CUX2: variants seen among roughly 807,000 people sequenced by gnomAD.
CUX2 encodes homeobox protein cut-like 2.
Under a neutral mutation model 144.8 loss-of-function variants are expected in CUX2, and 40 were observed. The ratio of observed to expected loss-of-function variants is 0.28; its 90% CI spans 0.21 to 0.36. The LOEUF is 0.36. Ranked by LOEUF, CUX2 falls within the 10% of genes least tolerant of loss-of-function variation. The pLI is 1.00. For missense variants in CUX2, 1,615 were observed against 1,994.0 expected (o/e 0.81, Z 3.62); for synonymous variants, 827 against 875.6 (o/e 0.94, Z 0.98).
At chr12:111,183,159 A>G (rs987696610) in intron 1 of CUX2, among the ~76,000 whole-genome samples, 3 of 152,252 alleles carry the variant, frequency 2.0e-5, no homozygotes, top group African/African-American at 7.2e-5. Context: ...GCTTCACCCC[A>G]GTTGAGAACT....
At chr12:111,099,156 G>C (rs1241232518) in intron 1 of CUX2, among the ~76,000 whole-genome samples, 2 of 152,250 alleles carry the variant, frequency 1.3e-5, no homozygotes. Flanking sequence ...GTGGAAGGAA[G>C]TGACTTGGAA....
Position 111,322,674 on chromosome 12 carries a change from T to A in CUX2, c.2926+94T>A. On this transcript the variant is annotated intron_variant, in intron 18 of 21. Transcript: ENST00000261726. The surrounding 1 kb of genome is among the most constrained non-coding windows in gnomAD (Gnocchi z 4.2). Reference sequence around the variant, plus strand: ...TGGCTTTACTGCCCGAGTCTACCTATCTCTCCCTCCCTGCTGCCCTGGCTT... The same window carrying A: ...TGGCTTTACTGCCCGAGTCTACCTAACTCTCCCTCCCTGCTGCCCTGGCTT... The A allele has an allele frequency of 6.8e-7, 1 of 1,460,900 alleles. No individual in the cohort carries two copies. The highest frequency in any genetic ancestry group is 1.2e-5 in the South Asian group (1 of 82,326). The allele number at this position is 1,460,900 out of a possible 1,614,324, so 90.5% of individuals were successfully genotyped here. A position where few individuals can be genotyped will look rare whatever the true frequency, so the allele number is the denominator to read the frequency against.
At chr12:111,192,186 G>A (rs1879928902) in intron 1 of CUX2, among the ~76,000 whole-genome samples, 3 of 152,120 alleles carry the variant, frequency 2.0e-5, no homozygotes, top group African/African-American at 2.4e-5. Context: ...GAGTGCAGTG[G>A]TGTGATCTCG....
chr12:111,067,298 A>C (rs1029819071), intron 1 of CUX2, among the ~76,000 whole-genome samples: 1 of 152,208 alleles, frequency 6.6e-6, no homozygotes, highest in African/African-American at 2.4e-5. Flanking sequence ...GGTACTTTTC[A>C]GCTGGAGCAG....
intron 4 of CUX2, among the ~76,000 whole-genome samples, chr12:111,282,290 C>T (rs1885151317): frequency 6.7e-6 from 1 of 148,898 alleles, no homozygotes; most frequent in Admixed American, 6.8e-5. Flanking sequence ...CCACTGCACT[C>T]CAGCCTGGGC....
chr12:111,034,230 G>A lies in CUX2; in HGVS notation c.53G>A (p.Arg18Gln). The change falls in exon 1 of 22, where the codon CGG becomes CAG. Residue 18 changes from arginine (R) to glutamine (Q), a missense_variant. Physicochemically the swap from Arg to Gln is conservative, Grantham distance 43 (BLOSUM62 1). This residue lies in a region of CUX2 where 64 missense variants were observed against 64.9 expected (regional missense o/e 0.99). Transcript: ENST00000261726. This position sits in a 1 kb window ranked among gnomAD's most constrained non-coding sequence, Gnocchi z 4.2. ...MFQYWKRFDL[R>Q]RLQKELNSVA... ...CAATATTGGAAGCGATTTGATCTAC[G>A]GCGACTCCAGGTTAGTGCGGGCAGC... The A allele has an allele frequency of 2.1e-6, 3 of 1,395,554 alleles. No individual in the cohort carries two copies. Among genetic ancestry groups the A allele is most frequent in the Non-Finnish European group, 2.9e-6 (3 of 1,045,388 alleles). 86.4% of individuals were successfully genotyped at this position (1,395,554 alleles called of 1,614,324 possible).
At chr12:111,336,684 G>A (rs1888368783) in intron 19 of CUX2, among the ~76,000 whole-genome samples, 1 of 151,832 alleles carries the variant, frequency 6.6e-6, no homozygotes, top group Non-Finnish European at 1.5e-5. Context: ...TTGACCTCAA[G>A]TGATCCTCCC....
At chr12:111,088,031 G>A (rs2136050704) in intron 1 of CUX2, among the ~76,000 whole-genome samples, 1 of 152,238 alleles carries the variant, frequency 6.6e-6, no homozygotes, top group East Asian at 1.9e-4. Context: ...CGTGCTGAGG[G>A]AAAAAAGACT....
At chr12:111,116,855 C>T (rs1874335397) in intron 1 of CUX2, among the ~76,000 whole-genome samples, 1 of 152,200 alleles carries the variant, frequency 6.6e-6, no homozygotes, top group Admixed American at 6.5e-5. Flanking sequence ...TTCTATGGTG[C>T]ACTATCTCAT....
At chr12:111,102,011 C>T in intron 1 of CUX2, among the ~76,000 whole-genome samples, 1 of 152,232 alleles carries the variant, frequency 6.6e-6, no homozygotes, top group Admixed American at 6.5e-5. Context: ...AACGCCTGAA[C>T]TCAGATTAAA....
At chr12:111,329,018 C>T (rs1234374867) in intron 18 of CUX2, among the ~76,000 whole-genome samples, 2 of 119,396 alleles carry the variant, frequency 1.7e-5, no homozygotes, top group African/African-American at 3.4e-5. Context: ...CCCCCCACCC[C>T]ACTCTCTCTC....
intron 10 of CUX2, among the ~76,000 whole-genome samples, chr12:111,306,493 G>A (rs547694115): frequency 7.4e-4 from 113 of 152,186 alleles, no homozygotes; most frequent in African/African-American, 2.5e-3. Context: ...CAAATTAGGC[G>A]GAGGAAAGAG....
At chr12:111,268,232 GT>G (rs1261850587) in intron 4 of CUX2, among the ~76,000 whole-genome samples, 5 of 142,480 alleles carry the variant, frequency 3.5e-5, no homozygotes, top group African/African-American at 1.2e-4. Context: ...TTTGTTTTTT[GT>G]TTTTTTTAAG....
chr12:111,113,000 G>A (rs546070266), intron 1 of CUX2, among the ~76,000 whole-genome samples: 1 of 152,314 alleles, frequency 6.6e-6, no homozygotes, highest in East Asian at 1.9e-4. Flanking sequence ...AGGATTTGAG[G>A]CATATTTTAT....
chr12:111,207,724 T>C (rs190533326), intron 1 of CUX2, among the ~76,000 whole-genome samples: 188 of 152,286 alleles, frequency 1.2e-3, no homozygotes, highest in South Asian at 7.1e-3. Context: ...CAATAAATGT[T>C]AACTATGAGC....
Position 111,312,338 on chromosome 12 carries a change from C to T in CUX2, c.2002+137C>T, listed in dbSNP as rs1886949674. The T allele has an allele frequency of 1.5e-6, 1 of 668,190 alleles. No homozygotes were observed. The highest frequency in any genetic ancestry group is 1.8e-5 in the African/African-American group (1 of 55,060). 41.4% of individuals were successfully genotyped at this position (668,190 alleles called of 1,614,324 possible). A position where few individuals can be genotyped will look rare whatever the true frequency, so the allele number is the denominator to read the frequency against. On this transcript the variant is annotated intron_variant, in intron 16 of 21. Coordinates refer to ENST00000261726, the MANE Select transcript of CUX2 (RefSeq NM_015267.4). The surrounding 1 kb of genome is among the most constrained non-coding windows in gnomAD (Gnocchi z 4.3). ...ACCACCAGAGGCCAGAGGGACCTGT[C>T]TAGAGCGCATGGGTAGCTGTGGCAC...
intron 1 of CUX2, among the ~76,000 whole-genome samples, chr12:111,142,455 A>G (rs950806583): frequency 1.4e-4 from 21 of 151,950 alleles, no homozygotes; most frequent in Admixed American, 1.4e-3. Flanking sequence ...GTAATGGCTT[A>G]ATAAAACAGG....
At chr12:111,342,900 A>G (rs1027326589) in intron 21 of CUX2, among the ~76,000 whole-genome samples, 17 of 145,130 alleles carry the variant, frequency 1.2e-4, no homozygotes, top group African/African-American at 4.1e-4. Flanking sequence ...CAGAGGTTGC[A>G]GTGAGCCGAG....
chr12:111,098,894 G>C (rs1023356321), intron 1 of CUX2, among the ~76,000 whole-genome samples: 1 of 152,220 alleles, frequency 6.6e-6, no homozygotes, highest in African/African-American at 2.4e-5. Context: ...CAGGGGAAAG[G>C]GGGAGCACCG....
Sources: gnomAD v4.1 joint callset for allele counts (sites outside exome capture counted in the v4.1 genomes callset) on GRCh38, gnomAD v4.1.1 for gene constraint, gnomAD v4.1.1 regional missense constraint, Gnocchi (gnomAD v3.1) non-coding constraint, MANE v1.5 for transcripts, NCBI Gene and HGNC (gene_info 2026-07-23, HGNC 2026-07-21) for gene names.